Variants in GRID1 observed in about 807,000 individuals in gnomAD.
The protein encoded by GRID1 is glutamate receptor ionotropic, delta-1.
GRID1 carries 28 observed loss-of-function variants against 98.0 expected under a neutral mutation model. The observed-to-expected ratio is 0.29, with a 90% CI of 0.21 to 0.39. The LOEUF (loss-of-function observed/expected upper bound fraction) is 0.39. GRID1 is among the 10% of genes least tolerant of loss of function. The pLI is 1.00. For synonymous variants in GRID1, 553 were observed against 538.5 expected (o/e 1.03, Z -0.37); for missense variants, 1,111 against 1,340.5 (o/e 0.83, Z 2.67).
chr10:86,324,395 G>A (rs1001141808), intron 2 of GRID1, among the ~76,000 whole-genome samples: 5 of 152,132 alleles, frequency 3.3e-5, no homozygotes, highest in African/African-American at 1.2e-4. Flanking sequence ...AACATGTAAT[G>A]TATTATTGAA....
At chr10:86,329,649 C>T (rs1848109269) in intron 2 of GRID1, among the ~76,000 whole-genome samples, 1 of 152,192 alleles carries the variant, frequency 6.6e-6, no homozygotes, top group African/African-American at 2.4e-5. Context: ...ACCCCTGACC[C>T]CCAACCAGCC....
intron 3 of GRID1, among the ~76,000 whole-genome samples, chr10:86,168,774 C>A (rs1386357158): frequency 6.6e-6 from 1 of 152,174 alleles, no homozygotes; most frequent in Non-Finnish European, 1.5e-5. Flanking sequence ...TCTGGAAAGA[C>A]CTTCTTCTAA....
At chr10:86,150,656 C>T (rs528976209) in intron 3 of GRID1, among the ~76,000 whole-genome samples, 7 of 152,274 alleles carry the variant, frequency 4.6e-5, no homozygotes, top group African/African-American at 1.4e-4. Flanking sequence ...AATGTTTGTG[C>T]TCCCCCAAAA....
At chr10:85,821,967 G>C (rs1842776947) in intron 8 of GRID1, among the ~76,000 whole-genome samples, 1 of 152,108 alleles carries the variant, frequency 6.6e-6, no homozygotes, top group African/African-American at 2.4e-5. Flanking sequence ...ATGGTGCTGG[G>C]AACACTGGCT....
In GRID1 at chr10:86,339,545, T is replaced by G. The variant is rs60811660; in HGVS notation, c.235+24396A>C. Among the ~76,000 whole-genome samples the G allele has an allele frequency of 8.1e-4, 123 of 152,328 alleles. 1 individual carries two copies. The highest frequency in any genetic ancestry group is 2.8e-3 in the African/African-American group (117 of 41,574). ...CACCGAGGAAGAAAGCTTAGGCCTT[T>G]GCCTCCCGCTGGGGAGGAGAACCTA... On this transcript the variant is annotated intron_variant, in intron 2 of 15. Coordinates refer to ENST00000327946, the MANE Select transcript of GRID1 (RefSeq NM_017551.3).
rs201164441 is a variant in GRID1 at position 85,877,508 on chromosome 10, AG to A, written c.781-8329del. Among the ~76,000 whole-genome samples the A allele has an allele frequency of 7.9e-3, 1,207 of 152,352 alleles. 14 individuals are homozygous for A. Among genetic ancestry groups the A allele is most frequent in the African/African-American group, 0.027 (1,128 of 41,580 alleles). On this transcript the variant is annotated intron_variant, in intron 5 of 15. Coordinates refer to ENST00000327946, the MANE Select transcript of GRID1 (RefSeq NM_017551.3). The stretch of plus-strand genomic sequence containing the variant: ...CACCGCTGCTGACACCCAGGCAAAC[AG>A]GGTCTGGAGTGGACCTCTAGCAAAC...
chr10:86,115,199 C>A (rs1462973920), intron 4 of GRID1, among the ~76,000 whole-genome samples: 1 of 152,144 alleles, frequency 6.6e-6, no homozygotes, highest in Non-Finnish European at 1.5e-5. Context: ...TGAAAAGGAT[C>A]CTCTTTGACA....
rs1439110911 is a variant in GRID1 at position 86,170,059 on chromosome 10, T to A, written c.521-31035A>T. ...GACAGGCCTTTCCGCCCATCCTTAA[T>A]GAAAAGCATTATCCCAAGCCACCTC... On this transcript the variant is annotated intron_variant, in intron 3 of 15. Coordinates refer to ENST00000327946, the MANE Select transcript of GRID1 (RefSeq NM_017551.3). Among the ~76,000 whole-genome samples the A allele has an allele frequency of 3.9e-5, 6 of 152,292 alleles. No individual in the cohort carries two copies. In the East Asian group the frequency reaches 9.7e-4, roughly 25 times the overall value.
chr10:85,659,202 C>A (rs1219634343), intron 12 of GRID1, among the ~76,000 whole-genome samples: 1 of 152,214 alleles, frequency 6.6e-6, no homozygotes, highest in South Asian at 2.1e-4. Context: ...TAAATGTGCA[C>A]ACCTGTTCCG....
intron 8 of GRID1, among the ~76,000 whole-genome samples, chr10:85,841,142 T>A (rs1842957602): frequency 6.6e-6 from 1 of 151,954 alleles, no homozygotes; most frequent in South Asian, 2.1e-4. Context: ...AAAACAGACA[T>A]CTATACCAAA....
intron 3 of GRID1, among the ~76,000 whole-genome samples, chr10:86,167,620 C>A (rs993343218): frequency 1.3e-5 from 2 of 152,158 alleles, no homozygotes; most frequent in African/African-American, 4.8e-5. Context: ...TGGTCCTCCC[C>A]ACGGCCAGGC....
chr10:85,977,225 A>G (rs544201197), intron 4 of GRID1, among the ~76,000 whole-genome samples: 3 of 152,336 alleles, frequency 2.0e-5, no homozygotes, highest in African/African-American at 7.2e-5. Flanking sequence ...AGTGGCTGGC[A>G]TGTAGTAGAT....
intron 4 of GRID1, among the ~76,000 whole-genome samples, chr10:85,929,075 T>C (rs537877733): frequency 2.2e-4 from 34 of 152,294 alleles, no homozygotes; most frequent in Non-Finnish European, 4.1e-4. Context: ...GAAAATGCTA[T>C]GGGGGCAGGT....
At position 85,982,226 on chromosome 10, in the gene GRID1, AGAT is replaced by A. The variant is rs370520333; in HGVS notation, c.727-65990_727-65988del. Among the ~76,000 whole-genome samples the A allele has an allele frequency of 4.1e-3, 626 of 151,952 alleles. 9 individuals are homozygous for A. Among genetic ancestry groups the A allele is most frequent in the African/African-American group, 0.015 (603 of 41,438 alleles). ...AAAAAAAAATTGGGTAAACTATGTG[AGAT>A]GATGAATGTGTTAATTTACTTGGCT... On this transcript the variant is annotated intron_variant, in intron 4 of 15. Transcript: ENST00000327946.
intron 12 of GRID1, among the ~76,000 whole-genome samples, chr10:85,683,147 C>G (rs1050208737): frequency 2.6e-5 from 4 of 152,188 alleles, no homozygotes; most frequent in African/African-American, 9.7e-5. Flanking sequence ...CTGTCTGAAA[C>G]TTACTCACCA....
At chr10:85,876,059 TCTC>T (rs1305483768) in intron 5 of GRID1, among the ~76,000 whole-genome samples, 1 of 152,242 alleles carries the variant, frequency 6.6e-6, no homozygotes, top group Non-Finnish European at 1.5e-5. Context: ...ACTACTATTT[TCTC>T]TTAGACATGG....
intron 4 of GRID1, among the ~76,000 whole-genome samples, chr10:85,993,022 A>G (rs779519070): frequency 3.3e-5 from 5 of 152,190 alleles, no homozygotes; most frequent in Non-Finnish European, 7.4e-5. Flanking sequence ...GAAGGGAAAG[A>G]AATGGTTTGC....
chr10:85,797,630 T>TA (rs1379658340), intron 8 of GRID1, among the ~76,000 whole-genome samples: 1 of 148,622 alleles, frequency 6.7e-6, no homozygotes, highest in African/African-American at 2.5e-5. Flanking sequence ...TTTTTTTTTT[T>TA]AGTAGAGATG....
chr10:85,896,204 G>A (rs1841292387), intron 5 of GRID1, among the ~76,000 whole-genome samples: 1 of 152,106 alleles, frequency 6.6e-6, no homozygotes, highest in Non-Finnish European at 1.5e-5. Context: ...CTAGTTAACA[G>A]GAAGTTCTGT....
Sources: gnomAD v4.1 joint callset for allele counts (sites outside exome capture counted in the v4.1 genomes callset) on GRCh38, gnomAD v4.1.1 for gene constraint, MANE v1.5 for transcripts, NCBI Gene and HGNC (gene_info 2026-07-23, HGNC 2026-07-21) for gene names.